The following GPRC5D variants were observed in gnomAD, a reference collection of about 807,000 sequenced individuals.
GPRC5D encodes the protein G protein-coupled receptor family C group 5 member D.
Under a neutral mutation model 29.3 loss-of-function variants are expected in GPRC5D, and 20 were observed. That is an observed-to-expected ratio of 0.68 (90% CI 0.48 to 0.99). GPRC5D has a LOEUF of 0.99. GPRC5D is among the 50% of genes least tolerant of loss of function. GPRC5D has a pLI of 0.00. For missense variants in GPRC5D, 384 were observed against 423.6 expected, an observed-to-expected ratio of 0.91 and a Z score of 0.82; for synonymous variants, 178 against 171.3, an observed-to-expected ratio of 1.04 and a Z score of -0.30.
intron 1 of GPRC5D, among the ~76,000 whole-genome samples, chr12:12,942,953 A>G (rs1863191840): frequency 6.6e-6 from 1 of 152,148 alleles, no homozygotes; most frequent in Non-Finnish European, 1.5e-5. Context: ...CAGTCCCTTT[A>G]GGCTTGATTC....
At chr12:12,946,706 T>C (rs1426509169) in intron 1 of GPRC5D, among the ~76,000 whole-genome samples, 1 of 152,112 alleles carries the variant, frequency 6.6e-6, no homozygotes, top group Non-Finnish European at 1.5e-5. Flanking sequence ...CTGCCTGCCT[T>C]GGCCTCTCAA....
upstream of GPRC5D, chr12:12,952,114 G>C (rs1025875513): frequency 6.6e-6 from 1 of 152,066 alleles, no homozygotes; most frequent in African/African-American, 2.4e-5. Flanking sequence ...TACCTTCTCC[G>C]TGTCCACTCT....
intron 1 of GPRC5D, 23 bp downstream of exon 2, chr12:12,949,467 C>T: frequency 1.3e-6 from 2 of 1,588,152 alleles, no homozygotes; most frequent in Non-Finnish European, 1.7e-6. Context: ...CCTCCCTGCT[C>T]CCTGAATCCC....
intron 1 of GPRC5D, among the ~76,000 whole-genome samples, chr12:12,946,405 T>G: frequency 2.3e-5 from 1 of 42,922 alleles, no homozygotes; most frequent in East Asian, 7.1e-4. Flanking sequence ...TCTCTCTTCT[T>G]CTCTCTCTTT....
intron 1 of GPRC5D, among the ~76,000 whole-genome samples, chr12:12,942,657 C>T (rs571763861): frequency 9.2e-5 from 14 of 152,256 alleles, no homozygotes; most frequent in Admixed American, 4.6e-4. Flanking sequence ...ATTTCTTGAA[C>T]CTGGGAGGCG....
At chr12:12,944,904 T>C (rs1863266636) in intron 1 of GPRC5D, among the ~76,000 whole-genome samples, 1 of 125,768 alleles carries the variant, frequency 8.0e-6, no homozygotes, top group Non-Finnish European at 1.7e-5. Context: ...TTTCTTTCTT[T>C]CTCTCCCTTT....
intron 1 of GPRC5D, chr12:12,944,427 A>T (rs1438440053): frequency 1.3e-5 from 2 of 152,176 alleles, no homozygotes; most frequent in Non-Finnish European, 2.9e-5. Context: ...CCCATGAAAG[A>T]ACAAACAAAC....
At chr12:12,948,189 C>T (rs1770647159) in intron 1 of GPRC5D, 1 of 152,112 alleles carries the variant, frequency 6.6e-6, no homozygotes, top group Non-Finnish European at 1.5e-5. Flanking sequence ...TGGAAACACA[C>T]AGCAGCAACG....
chr12:12,942,570 A>C (rs1863181170), intron 1 of GPRC5D, among the ~76,000 whole-genome samples: 1 of 152,222 alleles, frequency 6.6e-6, no homozygotes. Flanking sequence ...CCCCGTCTTC[A>C]CTAAAAATAC....
At chr12:12,941,060 C>T (rs550679354) in intron 2 of GPRC5D, among the ~76,000 whole-genome samples, 1 of 152,204 alleles carries the variant, frequency 6.6e-6, no homozygotes, top group Admixed American at 6.5e-5. Flanking sequence ...TACAGGCATG[C>T]ACCACCATGC....
chr12:12,946,275 C>T (rs1417801840), intron 1 of GPRC5D, among the ~76,000 whole-genome samples: 1 of 105,680 alleles, frequency 9.5e-6, no homozygotes, highest in Non-Finnish European at 2.0e-5. Flanking sequence ...TTTCTTCCTT[C>T]CTTCCTTCCT....
intron 2 of GPRC5D, among the ~76,000 whole-genome samples, chr12:12,941,433 C>T (rs1324668451): frequency 2.0e-5 from 3 of 152,190 alleles, no homozygotes; most frequent in Non-Finnish European, 2.9e-5. Context: ...TAAATGCCCT[C>T]CTGAGGGTTG....
chr12:12,948,798 A>G (rs991038222), intron 1 of GPRC5D, among the ~76,000 whole-genome samples: 2 of 152,218 alleles, frequency 1.3e-5, no homozygotes, highest in Non-Finnish European at 2.9e-5. Flanking sequence ...GAATCAAAAT[A>G]TGACCCAGAA....
upstream of GPRC5D, among the ~76,000 whole-genome samples, chr12:12,951,833 G>A (rs1052350078): frequency 3.3e-5 from 5 of 152,108 alleles, no homozygotes; most frequent in African/African-American, 1.2e-4. Context: ...TCAATCCAAT[G>A]CAGCAGGTTG....
At chr12:12,942,864 G>T (rs139678530) in intron 1 of GPRC5D, among the ~76,000 whole-genome samples, 2 of 152,360 alleles carry the variant, frequency 1.3e-5, no homozygotes, top group East Asian at 1.9e-4. Flanking sequence ...GCGCATTGGC[G>T]TTGGGAGACC....
chr12:12,940,756 A>T, downstream of GPRC5D: 1 of 1,520,752 alleles, frequency 6.6e-7, no homozygotes, highest in Non-Finnish European at 9.1e-7. Context: ...GGTTTTCTCC[A>T]CTTGTGTTTC....
intron 1 of GPRC5D, among the ~76,000 whole-genome samples, chr12:12,942,535 G>A (rs4763307): frequency 0.44 from 66,154 of 152,076 alleles, 16,604 homozygotes; most frequent in Non-Finnish European, 0.56. Context: ...AGGAGTTCGA[G>A]ACTAGCCTGG....
intron 1 of GPRC5D, among the ~76,000 whole-genome samples, chr12:12,948,999 G>A (rs1340608362): frequency 3.3e-5 from 5 of 152,134 alleles, no homozygotes; most frequent in Non-Finnish European, 7.4e-5. Flanking sequence ...TTAATGAGGT[G>A]GTGAGTCCTG....
At chr12:12,946,309 TTTTCTTTCTTTCTTTC>T (rs745322553) in intron 1 of GPRC5D, among the ~76,000 whole-genome samples, 3 of 37,666 alleles carry the variant, frequency 8.0e-5, no homozygotes, top group African/African-American at 2.5e-4. Context: ...CCTTCCTTCC[TTTTCTTTCTTTCTTTC>T]TTTCTTTCTT....
Sources: gnomAD v4.1 joint callset for allele counts (sites outside exome capture counted in the v4.1 genomes callset) on GRCh38, gnomAD v4.1.1 for gene constraint, MANE v1.5 for transcripts, NCBI Gene and HGNC (gene_info 2026-07-23, HGNC 2026-07-21) for gene names.